LEPR: variants seen among roughly 807,000 people sequenced by gnomAD.
LEPR encodes the protein leptin receptor, also known as OB receptor.
Under a neutral mutation model 114.7 loss-of-function variants are expected in LEPR, and 56 were observed. The ratio of observed to expected loss-of-function variants is 0.49; its 90% CI spans 0.39 to 0.61. The LOEUF is 0.61. LEPR is among the 20% of genes least tolerant of loss of function. The pLI, the probability that LEPR is intolerant of heterozygous loss-of-function variation, is 0.00. For synonymous variants in LEPR, 443 were observed against 461.4 expected (o/e 0.96, Z 0.51); for missense variants, 1,202 against 1,352.9 (o/e 0.89, Z 1.75).
chr1:65,492,593 A>G (rs756063268), intron 2 of LEPR, among the ~76,000 whole-genome samples: 6 of 152,036 alleles, frequency 3.9e-5, no homozygotes, highest in Non-Finnish European at 8.8e-5. Context: ...AGTTTTATGT[A>G]ATGCTTCATT....
chr1:65,575,306 T>C (rs963429741), intron 5 of LEPR, among the ~76,000 whole-genome samples: 1 of 151,754 alleles, frequency 6.6e-6, no homozygotes, highest in Non-Finnish European at 1.5e-5. Flanking sequence ...CATTTGAAGA[T>C]GGCAGTCAAT....
chr1:65,557,690 G>T (rs562928961), intron 2 of LEPR, among the ~76,000 whole-genome samples: 98 of 152,320 alleles, frequency 6.4e-4, no homozygotes, highest in Middle Eastern at 3.4e-3. Context: ...AAAGTGCTGG[G>T]ATTGCAGGTT....
chr1:65,498,701 T>C (rs1291892566), intron 2 of LEPR, among the ~76,000 whole-genome samples: 2 of 152,150 alleles, frequency 1.3e-5, no homozygotes, highest in Non-Finnish European at 2.9e-5. Context: ...GTTTTTTGTT[T>C]AGTTTAGATT....
intron 19 of LEPR, chr1:65,635,322 T>C (rs777380772): frequency 4.5e-5 from 44 of 981,734 alleles, no homozygotes; most frequent in Non-Finnish European, 5.2e-5. Context: ...TTTCAATGTG[T>C]TTACATTGTA....
chr1:65,453,892 T>A (rs1646826787), intron 2 of LEPR, among the ~76,000 whole-genome samples: 1 of 151,460 alleles, frequency 6.6e-6, no homozygotes, highest in African/African-American at 2.4e-5. Flanking sequence ...TGTTAAAGTC[T>A]CCCATTATTA....
intron 6 of LEPR, among the ~76,000 whole-genome samples, chr1:65,594,600 C>T (rs1162883231): frequency 6.6e-6 from 1 of 151,952 alleles, no homozygotes; most frequent in Admixed American, 6.6e-5. Flanking sequence ...AAATCAAGAG[C>T]TCTATTTTGG....
intron 19 of LEPR, chr1:65,634,033 CA>C: frequency 1.0e-6 from 1 of 984,858 alleles, no homozygotes. Context: ...GGCAGTGATG[CA>C]AAAAAGGGAG....
chr1:65,637,592 T>C lies in LEPR; in HGVS notation c.*577T>C, dbSNP rs973392514. ...CATAGAATGAAATAACCTGCAAGAA[T>C]GGTGATGCCCACAATCAGTATTTTG... On this transcript the variant is annotated 3_prime_UTR_variant, in exon 20 of 20. Coordinates refer to ENST00000349533, the MANE Select transcript of LEPR (RefSeq NM_002303.6). 3 of 152,346 alleles carry C rather than the reference T, an allele frequency of 2.0e-5. No individual in the cohort carries two copies. The highest frequency in any genetic ancestry group is 7.2e-5 in the African/African-American group (3 of 41,470). The allele number at this position is 152,346 out of a possible 1,614,324, so 9.4% of individuals were successfully genotyped here. A position where few individuals can be genotyped will look rare whatever the true frequency, so the allele number is the denominator to read the frequency against.
In LEPR at chr1:65,565,519, T is replaced by C. The variant is rs1220844443; in HGVS notation, c.-20-27T>C. On this transcript the variant is annotated intron_variant, in intron 2 of 19. Coordinates refer to ENST00000349533, the MANE Select transcript of LEPR (RefSeq NM_002303.6). ...ATATGTGTTTTTGTTTTTGTGTGTG[T>C]TCTGATTTTAGATTTACCTTTTCCA... 4 of 1,612,090 alleles carry C rather than the reference T, an allele frequency of 2.5e-6. No homozygotes were observed. In the Admixed American group the frequency reaches 6.7e-5, roughly 27 times the overall value.
intron 2 of LEPR, among the ~76,000 whole-genome samples, chr1:65,460,898 A>G (rs1329607448): frequency 6.6e-6 from 1 of 152,112 alleles, no homozygotes; most frequent in Non-Finnish European, 1.5e-5. Flanking sequence ...TTGTAAAATT[A>G]GAAATTGGGT....
At chr1:65,435,362 T>TCTTC (rs1646544925) in intron 2 of LEPR, 1 of 907,860 alleles carries the variant, frequency 1.1e-6, no homozygotes, top group Non-Finnish European at 1.3e-6. Context: ...GTGCCTTTTC[T>TCTTC]TTTCTTTTTT....
chr1:65,587,112 A>C (rs563608859), intron 5 of LEPR, among the ~76,000 whole-genome samples: 1 of 152,166 alleles, frequency 6.6e-6, no homozygotes, highest in African/African-American at 2.4e-5. Context: ...TTTGTCTTAA[A>C]ATATGACTAA....
chr1:65,551,378 T>C (rs1304086321), intron 2 of LEPR, among the ~76,000 whole-genome samples: 1 of 152,168 alleles, frequency 6.6e-6, no homozygotes, highest in Admixed American at 6.5e-5. Flanking sequence ...TATTAATTAC[T>C]GGCTCAATTT....
At chr1:65,427,966 T>A (rs916314805) in intron 2 of LEPR, 1 of 160,632 alleles carries the variant, frequency 6.2e-6, no homozygotes, top group African/African-American at 2.4e-5. Flanking sequence ...CTGCCACATA[T>A]AACCTGCTAC....
At chr1:65,494,392 T>C (rs916750743) in intron 2 of LEPR, among the ~76,000 whole-genome samples, 1 of 152,160 alleles carries the variant, frequency 6.6e-6, no homozygotes, top group Admixed American at 6.6e-5. Flanking sequence ...AAATGTTCTC[T>C]GAGGGCTTAC....
intron 3 of LEPR, among the ~76,000 whole-genome samples, chr1:65,565,845 T>TCA (rs1009206304): frequency 1.3e-4 from 20 of 148,728 alleles, no homozygotes; most frequent in African/African-American, 4.9e-4. Flanking sequence ...TCTCTCTCTC[T>TCA]CACACACACA....
At chr1:65,465,555 G>A (rs983915786) in intron 2 of LEPR, among the ~76,000 whole-genome samples, 1 of 152,178 alleles carries the variant, frequency 6.6e-6, no homozygotes, top group African/African-American at 2.4e-5. Flanking sequence ...TTGGTCCAGA[G>A]CTGAGTTCAA....
At chr1:65,511,262 G>A (rs1399164919) in intron 2 of LEPR, among the ~76,000 whole-genome samples, 1 of 151,212 alleles carries the variant, frequency 6.6e-6, no homozygotes, top group Admixed American at 6.6e-5. Context: ...TAGAGATGTG[G>A]TTCTAGGACC....
intron 6 of LEPR, among the ~76,000 whole-genome samples, chr1:65,595,808 A>G (rs1365160395): frequency 1.3e-5 from 2 of 152,134 alleles, no homozygotes; most frequent in African/African-American, 4.8e-5. Flanking sequence ...TATTTTAACT[A>G]TATCAGGAAT....
Sources: allele counts gnomAD v4.1 joint callset (sites outside exome capture counted in the v4.1 genomes callset), GRCh38; gene constraint gnomAD v4.1.1; transcripts MANE v1.5; gene names NCBI Gene and HGNC (gene_info 2026-07-23, HGNC 2026-07-21).